ASIC2: variants seen among roughly 807,000 people sequenced by gnomAD.
The protein encoded by ASIC2 is acid-sensing ion channel 2.
In ASIC2, 25 loss-of-function variants were observed where a neutral mutation model predicts 57.3. The observed-to-expected ratio is 0.44, with a 90% CI of 0.32 to 0.61. The LOEUF (loss-of-function observed/expected upper bound fraction) is 0.61, where lower values mean the gene tolerates loss of function less well. Among genes scored for constraint, ASIC2 ranks in the 20% least tolerant of loss-of-function variants. ASIC2 has a pLI of 0.06. For synonymous variants in ASIC2, 319 were observed against 307.5 expected (o/e 1.04, Z -0.39); for missense variants, 641 against 738.1 (o/e 0.87, Z 1.52).
chr17:33,902,398 C>G (rs138402897), intron 1 of ASIC2, among the ~76,000 whole-genome samples: 2 of 152,156 alleles, frequency 1.3e-5, no homozygotes, highest in African/African-American at 2.4e-5. Context: ...AAATAGAGTA[C>G]ATTTAAAAGT....
chr17:34,068,806 C>A (rs1410730882), intron 1 of ASIC2, among the ~76,000 whole-genome samples: 2 of 152,226 alleles, frequency 1.3e-5, no homozygotes, highest in Non-Finnish European at 2.9e-5. Flanking sequence ...CATGAGTTGG[C>A]TGTCCAGTGG....
chr17:33,393,414 A>G (rs1430889912), intron 1 of ASIC2, among the ~76,000 whole-genome samples: 1 of 151,920 alleles, frequency 6.6e-6, no homozygotes, highest in Non-Finnish European at 1.5e-5. Flanking sequence ...TCTGAACTGT[A>G]CCGTGTGTTC....
chr17:33,452,365 A>C (rs533994631), intron 1 of ASIC2, among the ~76,000 whole-genome samples: 1 of 152,348 alleles, frequency 6.6e-6, no homozygotes, highest in Admixed American at 6.5e-5. Flanking sequence ...TAAATCAGAT[A>C]GCTTTGGCTT....
intron 3 of ASIC2, among the ~76,000 whole-genome samples, chr17:33,087,593 T>TC (rs1489174689): frequency 6.7e-6 from 1 of 148,712 alleles, no homozygotes; most frequent in Non-Finnish European, 1.5e-5. Context: ...TTTTTTTTTT[T>TC]TTGAGACAGG....
chr17:33,610,054 G>GCACACACACACACACA lies in ASIC2; in HGVS notation c.556-498003_556-497988dup, dbSNP rs57533251. Among the ~76,000 whole-genome samples, 97 of 144,844 alleles carry GCACACACACACACACA rather than the reference G, an allele frequency of 6.7e-4. No homozygotes were observed. The South Asian group carries it at 9.6e-3, about 14-fold the overall frequency. On this transcript the variant is annotated intron_variant, in intron 1 of 9. Coordinates refer to the ASIC2 transcript ENST00000359872. ...CTTCACTGGGACCCTGGACAGAGGC[G>GCACACACACACACACA]CACACACACACACACACACACACAC...
chr17:33,717,199 A>G (rs1387834179), intron 1 of ASIC2, among the ~76,000 whole-genome samples: 1 of 152,250 alleles, frequency 6.6e-6, no homozygotes, highest in Non-Finnish European at 1.5e-5. Context: ...TTACCATTTC[A>G]GGAAAATATG....
chr17:33,596,119 C>T lies in ASIC2; in HGVS notation c.556-484052G>A, dbSNP rs9909504. 4.2e-3 allele frequency among the ~76,000 whole-genome samples: 633 copies of T among 152,194 alleles called. 5 individuals are homozygous for T. The highest frequency in any genetic ancestry group is 0.015 in the African/African-American group (605 of 41,526). ...AATCAGTTCTAAATTTAGACCCACCCGCCAAATCTTGGAGCTCTGAGCTTT... is the reference window on the plus strand; with the variant it reads ...AATCAGTTCTAAATTTAGACCCACCTGCCAAATCTTGGAGCTCTGAGCTTT... On this transcript the variant is annotated intron_variant, in intron 1 of 9. Transcript: ENST00000359872.
chr17:33,574,400 C>T (rs1916552479), intron 1 of ASIC2, among the ~76,000 whole-genome samples: 1 of 151,770 alleles, frequency 6.6e-6, no homozygotes, highest in Non-Finnish European at 1.5e-5. Flanking sequence ...TGATCTTTTT[C>T]TTATTGATTT....
At chr17:33,263,062 A>T (rs1271415971) in intron 1 of ASIC2, among the ~76,000 whole-genome samples, 1 of 152,228 alleles carries the variant, frequency 6.6e-6, no homozygotes, top group Non-Finnish European at 1.5e-5. Flanking sequence ...TGCTTCATTC[A>T]TTAACTGGAC....
At chr17:33,903,534 A>G (rs1479090667) in intron 1 of ASIC2, among the ~76,000 whole-genome samples, 1 of 152,260 alleles carries the variant, frequency 6.6e-6, no homozygotes, top group African/African-American at 2.4e-5. Context: ...CAAATCCTAA[A>G]GAAATGTATT....
intron 1 of ASIC2, among the ~76,000 whole-genome samples, chr17:33,420,479 A>T (rs1358292418): frequency 1.3e-5 from 2 of 152,216 alleles, no homozygotes; most frequent in Non-Finnish European, 2.9e-5. Context: ...AACTAAAGGT[A>T]TGGAGTGGTA....
At chr17:33,841,943 T>A (rs1315388659) in intron 1 of ASIC2, among the ~76,000 whole-genome samples, 2 of 151,966 alleles carry the variant, frequency 1.3e-5, no homozygotes, top group Non-Finnish European at 2.9e-5. Context: ...ATACGGAGAA[T>A]GTCCAGTGGT....
At chr17:33,242,704 T>C (rs1188022195) in intron 1 of ASIC2, among the ~76,000 whole-genome samples, 2 of 152,210 alleles carry the variant, frequency 1.3e-5, no homozygotes, top group Non-Finnish European at 2.9e-5. Context: ...CTTTAGTGTA[T>C]AATCGCCTCC....
At chr17:33,062,741 T>C (rs558583626) in intron 3 of ASIC2, among the ~76,000 whole-genome samples, 2 of 152,346 alleles carry the variant, frequency 1.3e-5, no homozygotes, top group South Asian at 4.2e-4. Flanking sequence ...CTCGTTGATG[T>C]GTCTAATGTG....
At chr17:34,099,141 AG>A (rs1399567443) in intron 1 of ASIC2, among the ~76,000 whole-genome samples, 8 of 21,278 alleles carry the variant, frequency 3.8e-4, no homozygotes, top group African/African-American at 9.5e-4. Flanking sequence ...AGAGAGAGAG[AG>A]AGACAGAGAG....
chr17:33,184,682 C>T (rs966750771), intron 1 of ASIC2, among the ~76,000 whole-genome samples: 7 of 152,166 alleles, frequency 4.6e-5, no homozygotes, highest in African/African-American at 1.7e-4. Context: ...GCCCTATTTA[C>T]ACATCTCCCT....
At chr17:34,151,250 T>C (rs181566346) in intron 1 of ASIC2, among the ~76,000 whole-genome samples, 14 of 152,302 alleles carry the variant, frequency 9.2e-5, no homozygotes, top group Admixed American at 9.2e-4. Context: ...AGCCCCCATA[T>C]TTAGCATGAT....
At chr17:33,466,027 G>C (rs375088795) in intron 1 of ASIC2, among the ~76,000 whole-genome samples, 16 of 152,266 alleles carry the variant, frequency 1.1e-4, no homozygotes, top group African/African-American at 3.9e-4. Context: ...TGGGATGGGA[G>C]ATTTAAGTAG....
intron 1 of ASIC2, among the ~76,000 whole-genome samples, chr17:33,387,129 C>T (rs530196858): frequency 6.6e-6 from 1 of 152,288 alleles, no homozygotes; most frequent in Admixed American, 6.5e-5. Context: ...CTCAAGTGAT[C>T]CATCTGCCTC....
Sources: gnomAD v4.1 joint callset for allele counts (sites outside exome capture counted in the v4.1 genomes callset) on GRCh38, gnomAD v4.1.1 for gene constraint, MANE v1.5 for transcripts, NCBI Gene and HGNC (gene_info 2026-07-23, HGNC 2026-07-21) for gene names.